The following SYNJ1 variants were observed in gnomAD, a reference collection of about 807,000 sequenced individuals.
SYNJ1 encodes synaptojanin 1.
Under a neutral mutation model 168.2 loss-of-function variants are expected in SYNJ1, and 78 were observed. That is an observed-to-expected ratio of 0.46 (90% CI 0.39 to 0.56). The LOEUF is 0.56. Among genes scored for constraint, SYNJ1 ranks in the 20% least tolerant of loss-of-function variants. The probability of loss-of-function intolerance (pLI) is 0.00; values close to 1 mark genes in which losing one functional copy is unlikely to be tolerated. For synonymous variants in SYNJ1, 539 were observed against 548.6 expected (o/e 0.98, Z 0.24); for missense variants, 1,303 against 1,597.6 (o/e 0.82, Z 3.14).
upstream of SYNJ1, chr21:32,728,284 C>G (rs891676638): frequency 1.7e-5 from 8 of 481,920 alleles, 1 homozygote; most frequent in Admixed American, 1.7e-4. Flanking sequence ...CTCTTCAGAG[C>G]GTGAGCGCCG....
chr21:32,639,193 G>A (rs2039717173), intron 30 of SYNJ1, 68 bp from the exon 31 acceptor site: 4 of 1,401,042 alleles, frequency 2.9e-6, no homozygotes, highest in East Asian at 4.6e-5. Flanking sequence ...CTTCTTTAGT[G>A]AAATGTTAGG....
chr21:32,678,846 A>G (rs2041514592), intron 11 of SYNJ1, 45 bp from the exon 12 acceptor site: 1 of 1,580,424 alleles, frequency 6.3e-7, no homozygotes, highest in Non-Finnish European at 8.5e-7. Flanking sequence ...CATTTTAAAT[A>G]TTACTGATTT....
In SYNJ1 at chr21:32,670,349, T is replaced by C; in HGVS notation, c.1750A>G (p.Ile584Val). ...ATTTCTTCAAAACCAATTGCAAATA[T>C]ATCAGTTGGCTTACTTCTTTTATCT... ...FQDKRSKPTDIFAIGFEEMVE... is the reference protein window; with the variant it reads ...FQDKRSKPTDVFAIGFEEMVE... Residue 584 changes from isoleucine to valine, a missense_variant, in exon 15 of 33, where the codon ATA becomes GTA. By Grantham distance (29) the Ile-to-Val change is conservative. This residue lies in a region of SYNJ1 where 920 missense variants were observed against 1,208.8 expected (regional missense o/e 0.76). Transcript: ENST00000674351. 1 of 1,613,440 alleles carries C rather than the reference T, an allele frequency of 6.2e-7. No individual in the cohort carries two copies. Among genetic ancestry groups the C allele is most frequent in the Non-Finnish European group, 8.5e-7 (1 of 1,179,762 alleles).
rs2833936 is a variant in SYNJ1 at position 32,657,982 on chromosome 21, A to T, written c.2305-110T>A. 53,612 of 781,298 alleles carry T rather than the reference A, an allele frequency of 0.069. 2,175 individuals carry two copies. The highest frequency in any genetic ancestry group is 0.081 in the Non-Finnish European group (39,333 of 483,310). The allele number at this position is 781,298 out of a possible 1,614,324, so 48.4% of individuals were successfully genotyped here. A position where few individuals can be genotyped will look rare whatever the true frequency, so the allele number is the denominator to read the frequency against. On this transcript the variant is annotated intron_variant, in intron 18 of 32. Coordinates refer to ENST00000674351, the MANE Select transcript of SYNJ1 (RefSeq NM_203446.3). ...TTACATGCTGGATGCTCTCAGAAGAAATCTGTATGCGTCTGATGAACACTT... is the reference window on the plus strand; with the variant it reads ...TTACATGCTGGATGCTCTCAGAAGATATCTGTATGCGTCTGATGAACACTT...
chr21:32,712,520 T>C (rs928754), intron 2 of SYNJ1, among the ~76,000 whole-genome samples: 70,614 of 151,828 alleles, frequency 0.47, 16,600 homozygotes, highest in African/African-American at 0.53. Flanking sequence ...CTATTTAAAC[T>C]TCACATTCCA....
chr21:32,696,560 T>TA (rs1387128802), intron 4 of SYNJ1, among the ~76,000 whole-genome samples: 1 of 152,208 alleles, frequency 6.6e-6, no homozygotes, highest in East Asian at 1.9e-4. Flanking sequence ...GGAAAAACTC[T>TA]ATCAATTTGA....
intron 2 of SYNJ1, among the ~76,000 whole-genome samples, chr21:32,717,842 G>C (rs1367948178): frequency 6.6e-6 from 1 of 152,172 alleles, no homozygotes; most frequent in Non-Finnish European, 1.5e-5. Flanking sequence ...GATTCTGGCT[G>C]CCTTGGCCTC....
At chr21:32,671,706 A>C (rs1211279511) in intron 14 of SYNJ1, among the ~76,000 whole-genome samples, 1 of 152,228 alleles carries the variant, frequency 6.6e-6, no homozygotes, top group Non-Finnish European at 1.5e-5. Flanking sequence ...TTATAGTGTT[A>C]GCTGTTATTT....
At chr21:32,661,996 AGTCC>A (rs2040723255) in intron 18 of SYNJ1, among the ~76,000 whole-genome samples, 2 of 152,298 alleles carry the variant, frequency 1.3e-5, no homozygotes, top group East Asian at 3.9e-4. Flanking sequence ...ACTGGAACGT[AGTCC>A]CTTTGCGGCC....
intron 21 of SYNJ1, among the ~76,000 whole-genome samples, chr21:32,656,382 T>C (rs2040456441): frequency 6.6e-6 from 1 of 152,146 alleles, no homozygotes; most frequent in East Asian, 1.9e-4. Flanking sequence ...TGGTTGGGGC[T>C]GCAGTGAGAC....
chr21:32,722,134 G>A (rs781152128), intron 2 of SYNJ1, among the ~76,000 whole-genome samples: 16 of 147,980 alleles, frequency 1.1e-4, no homozygotes, highest in Non-Finnish European at 2.1e-4. Flanking sequence ...GCAGTGAGCC[G>A]AGATCGTGCC....
At chr21:32,658,080 CAG>C (rs2040530289) in intron 18 of SYNJ1, among the ~76,000 whole-genome samples, 1 of 152,180 alleles carries the variant, frequency 6.6e-6, no homozygotes, top group Non-Finnish European at 1.5e-5. Flanking sequence ...GGACAGGAGA[CAG>C]GGAAATTCTG....
chr21:32,727,702 G>A (rs1048456101), intron 1 of SYNJ1: 9 of 801,892 alleles, frequency 1.1e-5, no homozygotes, highest in Non-Finnish European at 1.5e-5. Flanking sequence ...AGGCGGATTC[G>A]GTTCGTTCCC....
At chr21:32,676,294 A>C (rs566626387) in intron 13 of SYNJ1, 38 bp downstream of exon 13, 42 of 1,510,462 alleles carry the variant, frequency 2.8e-5, no homozygotes, top group Admixed American at 6.6e-5. Flanking sequence ...AATAAGAAAA[A>C]ATTGCTTTTA....
In SYNJ1 at chr21:32,659,708, T is replaced by C. The variant is rs184217612; in HGVS notation, c.2305-1836A>G. Among the ~76,000 whole-genome samples the C allele has an allele frequency of 7.9e-5, 12 of 152,334 alleles. No homozygotes were observed. In the South Asian group the frequency reaches 1.7e-3, roughly 21 times the overall value. On this transcript the variant is annotated intron_variant, in intron 18 of 32. Transcript: ENST00000674351. ...AGCCCTTAAAAGGGACAGGAATTGC[T>C]CACTCGGGGAGCTCAGTTTTTGGAG...
intron 29 of SYNJ1, among the ~76,000 whole-genome samples, chr21:32,640,727 C>CAT (rs1015731714): frequency 3.9e-5 from 6 of 152,122 alleles, no homozygotes; most frequent in Admixed American, 3.3e-4. Context: ...GCCACCCAGC[C>CAT]ATATATATTG....
chr21:32,646,655 AT>A, intron 23 of SYNJ1, 53 bp from the exon 24 acceptor site: 5 of 1,435,424 alleles, frequency 3.5e-6, no homozygotes, highest in African/African-American at 1.4e-5. Context: ...TTGCTCAGAG[AT>A]TTTTTTCACC....
rs2039238063 is a variant in SYNJ1 at position 32,629,436 on chromosome 21, T to C, written c.*2369A>G. The C allele has an allele frequency of 6.6e-6, 1 of 152,668 alleles. No individual in the cohort carries two copies. The highest frequency in any genetic ancestry group is 6.5e-5 in the Admixed American group (1 of 15,284). The allele number at this position is 152,668 out of a possible 1,614,324, so 9.5% of individuals were successfully genotyped here. ...TAACAGAGAAGATTACTTCTATAAA[T>C]ATAGTATTTTGATAACATTTGAGCA... On this transcript the variant is annotated 3_prime_UTR_variant, in exon 33 of 33. Coordinates refer to ENST00000674351, the MANE Select transcript of SYNJ1 (RefSeq NM_203446.3).
At chr21:32,637,810 C>T (rs901476485) in intron 31 of SYNJ1, among the ~76,000 whole-genome samples, 4 of 152,188 alleles carry the variant, frequency 2.6e-5, no homozygotes, top group Non-Finnish European at 4.4e-5. Flanking sequence ...ATATATCCTT[C>T]AACTTTTACA....
Sources: allele counts gnomAD v4.1 joint callset (sites outside exome capture counted in the v4.1 genomes callset), GRCh38; gene constraint gnomAD v4.1.1; regional missense constraint gnomAD v4.1.1; transcripts MANE v1.5; gene names NCBI Gene and HGNC (gene_info 2026-07-23, HGNC 2026-07-21).